The following ARHGAP21 variants were observed in gnomAD, a reference collection of about 807,000 sequenced individuals.
The protein encoded by ARHGAP21 is rho GTPase-activating protein 21.
ARHGAP21 carries 38 observed loss-of-function variants against 164.6 expected under a neutral mutation model. The ratio of observed to expected loss-of-function variants is 0.23; its 90% CI spans 0.18 to 0.30. The LOEUF (loss-of-function observed/expected upper bound fraction) is 0.30. Among genes scored for constraint, ARHGAP21 ranks in the 10% least tolerant of loss-of-function variants. The pLI is 1.00. For synonymous variants in ARHGAP21, 766 were observed against 857.9 expected (o/e 0.89, Z 1.87); for missense variants, 1,822 against 2,370.7 (o/e 0.77, Z 4.81).
chr10:24,704,814 C>A (rs1160899041), intron 2 of ARHGAP21, among the ~76,000 whole-genome samples: 1 of 151,984 alleles, frequency 6.6e-6, no homozygotes, highest in Non-Finnish European at 1.5e-5. Context: ...CCATGTTGGC[C>A]AGGCTGCTCT....
chr10:24,680,382 G>C (rs533995558), intron 2 of ARHGAP21, among the ~76,000 whole-genome samples: 1 of 152,034 alleles, frequency 6.6e-6, no homozygotes, highest in African/African-American at 2.4e-5. Context: ...TGGCCTCACA[G>C]CTCCCAAATA....
At chr10:24,682,532 C>A (rs1347544126) in intron 2 of ARHGAP21, among the ~76,000 whole-genome samples, 1 of 152,072 alleles carries the variant, frequency 6.6e-6, no homozygotes, top group Non-Finnish European at 1.5e-5. Context: ...TATTTCTCTG[C>A]AAAATTTTTC....
intron 6 of ARHGAP21, 38 bp from the exon 7 acceptor site, chr10:24,630,088 A>C: frequency 8.3e-7 from 1 of 1,211,990 alleles, no homozygotes; most frequent in Non-Finnish European, 1.1e-6. Flanking sequence ...GAGAGGTAGA[A>C]GTGTATAAAA....
At chr10:24,710,828 A>C (rs1045177046) in intron 2 of ARHGAP21, among the ~76,000 whole-genome samples, 7 of 151,860 alleles carry the variant, frequency 4.6e-5, no homozygotes, top group Admixed American at 2.0e-4. Flanking sequence ...TGGTGCGGTG[A>C]CTCCCGCCTT....
At chr10:24,586,461 G>A (rs2076106689) in intron 25 of ARHGAP21, among the ~76,000 whole-genome samples, 1 of 152,058 alleles carries the variant, frequency 6.6e-6, no homozygotes, top group Non-Finnish European at 1.5e-5. Context: ...TCCTTCATTT[G>A]GAATAGAGGC....
intron 7 of ARHGAP21, among the ~76,000 whole-genome samples, chr10:24,627,619 G>A (rs1200879020): frequency 6.6e-6 from 1 of 152,128 alleles, no homozygotes; most frequent in African/African-American, 2.4e-5. Flanking sequence ...GCATGCTCAT[G>A]TTATTTACTG....
chr10:24,586,668 T>C (rs1211517838), intron 25 of ARHGAP21, among the ~76,000 whole-genome samples: 1 of 152,242 alleles, frequency 6.6e-6, no homozygotes, highest in Non-Finnish European at 1.5e-5. Context: ...CATTAGTTCA[T>C]TCAGGCAGGA....
In ARHGAP21 at chr10:24,600,749, C is replaced by T; in HGVS notation, c.3029G>A (p.Arg1010Gln). The part of the protein sequence containing the change: ...YSETKRKNVF[R>Q]LTTSDCECLF... ...GCATTCACAGTCGGACGTGGTGAGTCGAAACACATTTTTCCTCTTGGTCTC... is the reference window on the plus strand; with the variant it reads ...GCATTCACAGTCGGACGTGGTGAGTTGAAACACATTTTTCCTCTTGGTCTC... Residue 1010 changes from arginine to glutamine, a missense_variant, in exon 14 of 26, where the codon CGA (arginine) becomes CAA (glutamine). Physicochemically the swap from Arg to Gln is conservative, Grantham distance 43 (BLOSUM62 1). Coordinates refer to ENST00000396432, the MANE Select transcript of ARHGAP21 (RefSeq NM_020824.4). 3 of 1,613,894 alleles carry T rather than the reference C, an allele frequency of 1.9e-6. No individual in the cohort carries two copies. The highest frequency in any genetic ancestry group is 2.5e-6 in the Non-Finnish European group (3 of 1,179,860).
At chr10:24,629,335 A>C (rs1022089394) in intron 7 of ARHGAP21, 45 of 152,034 alleles carry the variant, frequency 3.0e-4, no homozygotes, top group African/African-American at 1.0e-3. Context: ...GCAGTATTTA[A>C]GCTTAGTAAA....
At chr10:24,626,585 T>G (rs1214834479) in intron 7 of ARHGAP21, among the ~76,000 whole-genome samples, 1 of 152,078 alleles carries the variant, frequency 6.6e-6, no homozygotes, top group Non-Finnish European at 1.5e-5. Context: ...AGAAATAAAT[T>G]TCTTTGTTTA....
intron 5 of ARHGAP21, among the ~76,000 whole-genome samples, chr10:24,634,037 C>CT (rs1397506378): frequency 3.3e-5 from 5 of 151,600 alleles, no homozygotes; most frequent in Non-Finnish European, 7.4e-5. Flanking sequence ...AAGGAAAAGA[C>CT]AGAAACAAAG....
intron 2 of ARHGAP21, among the ~76,000 whole-genome samples, chr10:24,720,977 C>A (rs1845865014): frequency 6.8e-6 from 1 of 146,382 alleles, no homozygotes; most frequent in African/African-American, 2.6e-5. Context: ...CCGAATACTT[C>A]AATCTCCAAA....
At chr10:24,611,140 CG>C (rs1490831435) in intron 9 of ARHGAP21, among the ~76,000 whole-genome samples, 1 of 152,126 alleles carries the variant, frequency 6.6e-6, no homozygotes, top group African/African-American at 2.4e-5. Flanking sequence ...CTCCTGTGGG[CG>C]GGCATGATCT....
At position 24,722,160 on chromosome 10, in the gene ARHGAP21, T is replaced by C. The variant is rs1845996755; in HGVS notation, c.-261A>G. ...TTAAAAACAAAGGCGACAGGTCTTCTTGGCAGCCAGTGTCGAGGCCAATTG... is the reference window on the plus strand; with the variant it reads ...TTAAAAACAAAGGCGACAGGTCTTCCTGGCAGCCAGTGTCGAGGCCAATTG... On this transcript the variant is annotated 5_prime_UTR_variant, in exon 2 of 26. Transcript: ENST00000396432. The C allele has an allele frequency of 5.8e-6, 3 of 515,664 alleles. No homozygotes were observed. Among genetic ancestry groups the C allele is most frequent in the Middle Eastern group, 5.4e-4 (1 of 1,862 alleles). The allele number at this position is 515,664 out of a possible 1,614,324, so 31.9% of individuals were successfully genotyped here. A position where few individuals can be genotyped will look rare whatever the true frequency, so the allele number is the denominator to read the frequency against.
At chr10:24,628,421 GA>G (rs985705892) in intron 7 of ARHGAP21, among the ~76,000 whole-genome samples, 4 of 110,552 alleles carry the variant, frequency 3.6e-5, no homozygotes, top group African/African-American at 1.3e-4. Context: ...CGGCTTTAGT[GA>G]TTTTTTTTTT....
intron 2 of ARHGAP21, among the ~76,000 whole-genome samples, chr10:24,693,159 C>T (rs532124857): frequency 8.5e-5 from 13 of 152,224 alleles, no homozygotes; most frequent in African/African-American, 2.6e-4. Flanking sequence ...TGGCCAATGA[C>T]GACACAGGCG....
At chr10:24,692,687 C>G (rs929034987) in intron 2 of ARHGAP21, among the ~76,000 whole-genome samples, 2 of 152,076 alleles carry the variant, frequency 1.3e-5, no homozygotes, top group African/African-American at 4.8e-5. Flanking sequence ...CAAAAAGTAG[C>G]TGGGAGTGGT....
intron 2 of ARHGAP21, among the ~76,000 whole-genome samples, chr10:24,702,121 C>T (rs1190320645): frequency 1.4e-5 from 2 of 140,026 alleles, no homozygotes; most frequent in Non-Finnish European, 3.0e-5. Context: ...GAAAATACTT[C>T]CGGTTCTTTT....
At chr10:24,639,659 G>A (rs1315073266) in intron 4 of ARHGAP21, among the ~76,000 whole-genome samples, 1 of 151,932 alleles carries the variant, frequency 6.6e-6, no homozygotes, top group Non-Finnish European at 1.5e-5. Flanking sequence ...CGAGAAACAT[G>A]AAAGAAAAGA....
Sources: allele counts gnomAD v4.1 joint callset (sites outside exome capture counted in the v4.1 genomes callset), GRCh38; gene constraint gnomAD v4.1.1; transcripts MANE v1.5; gene names NCBI Gene and HGNC (gene_info 2026-07-23, HGNC 2026-07-21).